NTMT2: variants seen among roughly 807,000 people sequenced by gnomAD.
NTMT2 encodes the protein N-terminal Xaa-Pro-Lys N-methyltransferase 2.
NTMT2 carries 21 observed loss-of-function variants against 23.4 expected under a neutral mutation model. The ratio of observed to expected loss-of-function variants is 0.90; its 90% confidence interval spans 0.64 to 1.29. The LOEUF (loss-of-function observed/expected upper bound fraction) is 1.29. Ranked by LOEUF, NTMT2 falls within the 50% of genes most tolerant of loss-of-function variation. The probability of loss-of-function intolerance (pLI) is 0.00; values close to 1 mark genes in which losing one functional copy is unlikely to be tolerated. For synonymous variants in NTMT2, 131 were observed against 127.7 expected, an observed-to-expected ratio of 1.03 and a Z score of -0.17; for missense variants, 336 against 352.0, an observed-to-expected ratio of 0.95 and a Z score of 0.36.
intron 2 of NTMT2, among the ~76,000 whole-genome samples, chr1:170,166,134 T>TTTTC: frequency 1.2e-5 from 1 of 83,572 alleles, no homozygotes; most frequent in Non-Finnish European, 2.7e-5. Context: ...TCTTTTTTTT[T>TTTTC]TTTTTCTTTT....
intron 1 of NTMT2, among the ~76,000 whole-genome samples, chr1:170,149,182 G>T (rs1359272834): frequency 1.3e-5 from 2 of 152,192 alleles, no homozygotes; most frequent in African/African-American, 4.8e-5. Context: ...ATGTGACAAT[G>T]GATGCAAATC....
intron 2 of NTMT2, among the ~76,000 whole-genome samples, chr1:170,166,176 G>A (rs1171980510): frequency 1.8e-5 from 2 of 112,284 alleles, no homozygotes; most frequent in African/African-American, 3.6e-5. Context: ...GTCTCGCTCT[G>A]TGGCCCAGGC....
chr1:170,159,420 G>GTTTTTT (rs1673225599), intron 1 of NTMT2, among the ~76,000 whole-genome samples: 9 of 88,194 alleles, frequency 1.0e-4, no homozygotes, highest in African/African-American at 1.3e-4. Context: ...TTTATGCTCT[G>GTTTTTT]GTTTTTTTTT....
chr1:170,155,056 C>T (rs1348129114), intron 1 of NTMT2, among the ~76,000 whole-genome samples: 1 of 151,994 alleles, frequency 6.6e-6, no homozygotes, highest in East Asian at 1.9e-4. Context: ...CCTGCTCTGG[C>T]TTCACTTTCT....
chr1:170,150,046 T>C (rs1400641112), intron 1 of NTMT2, among the ~76,000 whole-genome samples: 1 of 152,212 alleles, frequency 6.6e-6, no homozygotes, highest in African/African-American at 2.4e-5. Flanking sequence ...GAAAATAAAG[T>C]CCTTCTTTCA....
At chr1:170,167,413 G>T (rs1489399418) in intron 3 of NTMT2, 73 bp from the exon 4 acceptor site, 2 of 1,320,202 alleles carry the variant, frequency 1.5e-6, no homozygotes, top group African/African-American at 2.9e-5. Context: ...TCTTAGCCAT[G>T]TTCTTCCCTA....
At chr1:170,158,295 GTTTAAT>G (rs1226384171) in intron 1 of NTMT2, among the ~76,000 whole-genome samples, 3 of 151,968 alleles carry the variant, frequency 2.0e-5, no homozygotes, top group African/African-American at 7.2e-5. Context: ...TGCCAGCTAA[GTTTAAT>G]TTTAACATAA....
intron 1 of NTMT2, among the ~76,000 whole-genome samples, chr1:170,154,368 T>C (rs1371431101): frequency 6.6e-6 from 1 of 152,028 alleles, no homozygotes; most frequent in African/African-American, 2.4e-5. Context: ...GGGGGTCAAC[T>C]GCCTCCAGAC....
chr1:170,166,808 G>T, intron 3 of NTMT2, 57 bp downstream of exon 3: 5 of 1,535,446 alleles, frequency 3.3e-6, no homozygotes, highest in Non-Finnish European at 4.4e-6. Flanking sequence ...AGAGAAGACA[G>T]TCCTTGGGGC....
chr1:170,150,914 A>G (rs1050331970), intron 1 of NTMT2, among the ~76,000 whole-genome samples: 1 of 152,188 alleles, frequency 6.6e-6, no homozygotes, highest in Non-Finnish European at 1.5e-5. Flanking sequence ...CAACATCTCC[A>G]TGTTTAGTAA....
At chr1:170,156,404 C>A (rs980247797) in intron 1 of NTMT2, among the ~76,000 whole-genome samples, 2 of 152,098 alleles carry the variant, frequency 1.3e-5, no homozygotes, top group Non-Finnish European at 2.9e-5. Flanking sequence ...GAAATTTCAT[C>A]TTTATTCTCC....
At chr1:170,166,829 AC>A in intron 3 of NTMT2, 78 bp downstream of exon 3, 2 of 1,463,466 alleles carry the variant, frequency 1.4e-6, no homozygotes, top group Non-Finnish European at 1.9e-6. Context: ...TAATGAGGGC[AC>A]CAGGGAAGAG....
At chr1:170,160,809 C>A in intron 2 of NTMT2, 116 bp downstream of exon 2, 1 of 828,908 alleles carries the variant, frequency 1.2e-6, no homozygotes, top group South Asian at 2.8e-5. Flanking sequence ...GCCAAGAGTT[C>A]TGCCGCCTGC....
At chr1:170,152,617 G>A (rs141574673) in intron 1 of NTMT2, among the ~76,000 whole-genome samples, 1 of 152,056 alleles carries the variant, frequency 6.6e-6, no homozygotes, top group Non-Finnish European at 1.5e-5. Context: ...AACCTAGAGG[G>A]TTCCTCTGGG....
intron 2 of NTMT2, among the ~76,000 whole-genome samples, chr1:170,165,709 T>C (rs1673365509): frequency 6.6e-6 from 1 of 152,202 alleles, no homozygotes; most frequent in Non-Finnish European, 1.5e-5. Context: ...TTCTCACTGT[T>C]TGGTTCTTTT....
At chr1:170,152,171 C>G (rs1673082589) in intron 1 of NTMT2, among the ~76,000 whole-genome samples, 2 of 152,072 alleles carry the variant, frequency 1.3e-5, no homozygotes, top group African/African-American at 4.8e-5. Flanking sequence ...TAAAATATAG[C>G]CTTATCCTGA....
intron 1 of NTMT2, chr1:170,158,135 A>T (rs1467140018): frequency 6.6e-6 from 1 of 152,100 alleles, no homozygotes; most frequent in African/African-American, 2.4e-5. Flanking sequence ...TTCTATAATA[A>T]TTTGACTGGA....
intron 1 of NTMT2, among the ~76,000 whole-genome samples, chr1:170,156,151 G>T (rs1388764608): frequency 6.6e-6 from 1 of 152,020 alleles, no homozygotes; most frequent in African/African-American, 2.4e-5. Flanking sequence ...ATCCTTCATG[G>T]TTAAGGTCTT....
At chr1:170,166,186 C>T (rs1379154665) in intron 2 of NTMT2, among the ~76,000 whole-genome samples, 2 of 123,266 alleles carry the variant, frequency 1.6e-5, no homozygotes, top group Non-Finnish European at 1.6e-5. Flanking sequence ...GTGGCCCAGG[C>T]GGGAGTGCAG....
Sources: allele counts gnomAD v4.1 joint callset (sites outside exome capture counted in the v4.1 genomes callset), GRCh38; gene constraint gnomAD v4.1.1; transcripts MANE v1.5; gene names NCBI Gene and HGNC (gene_info 2026-07-23, HGNC 2026-07-21).